Variants in EYS observed in about 807,000 individuals in gnomAD.
The protein encoded by EYS is EGF-like photoreceptor maintenance factor, also known as protein eyes shut homolog.
Under a neutral mutation model 282.1 loss-of-function variants are expected in EYS, and 250 were observed. That is an observed-to-expected ratio of 0.89 (90% CI 0.80 to 0.98). EYS has a LOEUF of 0.98. Among genes scored for constraint, EYS ranks in the 50% least tolerant of loss-of-function variants. EYS has a pLI of 0.00. For synonymous variants in EYS, 1,355 were observed against 1,282.9 expected (o/e 1.06, Z -1.20); for missense variants, 4,016 against 3,709.0 (o/e 1.08, Z -2.15).
chr6:64,094,015 T>C (rs1480791548), intron 31 of EYS, among the ~76,000 whole-genome samples: 2 of 152,204 alleles, frequency 1.3e-5, no homozygotes, highest in African/African-American at 4.8e-5. Context: ...GAGGTAATCA[T>C]GTGGTTTTTG....
rs892795433 is a variant in EYS at position 63,937,442 on chromosome 6, T to G, written c.7055+46941A>C. ...GTTGCCCAGGCTGGAGTGCAGTGGC[T>G]CGATCTCGGCTCACTACAATCTCCG... On this transcript the variant is annotated intron_variant, in intron 35 of 42. Transcript: ENST00000503581. Among the ~76,000 whole-genome samples, 114 of 131,490 alleles carry G rather than the reference T, an allele frequency of 8.7e-4. 1 individual carries two copies. The highest frequency in any genetic ancestry group is 3.1e-3 in the African/African-American group (110 of 35,210). The allele number at this position is 131,490 out of a possible 152,430, so 86.3% of individuals were successfully genotyped here. A position where few individuals can be genotyped will look rare whatever the true frequency, so the allele number is the denominator to read the frequency against.
At chr6:65,659,131 G>A (rs1767923484) in intron 1 of EYS, among the ~76,000 whole-genome samples, 1 of 151,552 alleles carries the variant, frequency 6.6e-6, no homozygotes, top group African/African-American at 2.4e-5. Context: ...GGAAGAACTT[G>A]AAAATGTTCC....
In EYS at chr6:64,590,684, CT is replaced by C. The variant is rs1562079278; in HGVS notation, c.5182del (p.Ser1728ValfsTer21). The C allele has an allele frequency of 1.9e-6, 3 of 1,551,090 alleles. No individual in the cohort carries two copies. The highest frequency in any genetic ancestry group is 1.7e-6 in the Non-Finnish European group (2 of 1,146,680). On this transcript the variant is annotated frameshift_variant, in exon 26 of 43. Transcript: ENST00000503581. LOFTEE classifies it high-confidence loss of function. ...TTTGAACAGTGTATGAGATCCTTTA[CT>C]TTTTTCCATGTCCAATAAGCTCTCT... ...NQESLLDMEK[S>X]KGSHTLFKLH...
chr6:64,847,707 T>A (rs1765758825), intron 19 of EYS, among the ~76,000 whole-genome samples: 1 of 152,064 alleles, frequency 6.6e-6, no homozygotes, highest in Non-Finnish European at 1.5e-5. Flanking sequence ...CTATTTATTT[T>A]CTAAAACAAA....
chr6:64,599,212 T>C (rs1272284751), intron 24 of EYS, among the ~76,000 whole-genome samples: 2 of 152,142 alleles, frequency 1.3e-5, no homozygotes, highest in African/African-American at 4.8e-5. Flanking sequence ...AAAAGCTTAC[T>C]GTAGATAATA....
rs78619591 is a variant in EYS at position 64,930,789 on chromosome 6, G to A, written c.2381+15004C>T. 3.6e-3 allele frequency among the ~76,000 whole-genome samples: 541 copies of A among 152,192 alleles called. 4 individuals carry two copies. The highest frequency in any genetic ancestry group is 0.012 in the South Asian group (57 of 4,826). On this transcript the variant is annotated intron_variant, in intron 15 of 42. Coordinates refer to ENST00000503581, the MANE Select transcript of EYS (RefSeq NM_001142800.2). ...TTTGTAGTGTCCATAAGAAAAGCAG[G>A]CCAAAGCATCAACACAAATGCCAAC...
intron 24 of EYS, among the ~76,000 whole-genome samples, chr6:64,616,973 C>T (rs1229701931): frequency 6.6e-6 from 1 of 152,026 alleles, no homozygotes; most frequent in African/African-American, 2.4e-5. Context: ...TAATGGAGTT[C>T]AGGCCAGTTC....
intron 22 of EYS, among the ~76,000 whole-genome samples, chr6:64,657,140 G>C (rs1394531288): frequency 6.6e-6 from 1 of 152,040 alleles, no homozygotes; most frequent in Non-Finnish European, 1.5e-5. Flanking sequence ...AACTTTGTTG[G>C]TTTAAAGTCT....
chr6:65,522,025 A>G (rs917983308), intron 2 of EYS, among the ~76,000 whole-genome samples: 1 of 152,166 alleles, frequency 6.6e-6, no homozygotes, highest in African/African-American at 2.4e-5. Context: ...GTCTCTTCTT[A>G]CAAAAAATCA....
At chr6:65,613,688 A>T (rs1766082021) in intron 2 of EYS, among the ~76,000 whole-genome samples, 1 of 151,874 alleles carries the variant, frequency 6.6e-6, no homozygotes, top group Non-Finnish European at 1.5e-5. Flanking sequence ...AATGTAAGCC[A>T]TGTGTACAAC....
At chr6:64,261,026 GA>G (rs1767571335) in intron 30 of EYS, among the ~76,000 whole-genome samples, 1 of 151,446 alleles carries the variant, frequency 6.6e-6, no homozygotes, top group African/African-American at 2.4e-5. Context: ...TTTGTGTTCG[GA>G]ATATTCCAAT....
At chr6:65,681,503 G>A (rs1225600393) in intron 1 of EYS, among the ~76,000 whole-genome samples, 5 of 151,918 alleles carry the variant, frequency 3.3e-5, no homozygotes, top group African/African-American at 7.2e-5. Flanking sequence ...TTAACTTTTT[G>A]CTTTACGTTA....
chr6:64,031,005 C>G (rs368615323), intron 33 of EYS, among the ~76,000 whole-genome samples: 1 of 152,228 alleles, frequency 6.6e-6, no homozygotes, highest in Non-Finnish European at 1.5e-5. Flanking sequence ...GAGGTGACGG[C>G]GTGTGCCCTC....
At chr6:64,571,880 T>C (rs1409303161) in intron 26 of EYS, among the ~76,000 whole-genome samples, 1 of 152,150 alleles carries the variant, frequency 6.6e-6, no homozygotes, top group Non-Finnish European at 1.5e-5. Flanking sequence ...CTTCTGAAAC[T>C]ATTGCAAACA....
At position 63,867,901 on chromosome 6, in the gene EYS, A is replaced by G. The variant is rs1207953927; in HGVS notation, c.7056-3543T>C. ...AGACTCTTTTGCATAGCCTACTTTT[A>G]CTTAAACCCATCCCTCTGAGACAAA... On this transcript the variant is annotated intron_variant, in intron 35 of 42. Transcript: ENST00000503581. 2.0e-5 allele frequency among the ~76,000 whole-genome samples: 3 copies of G among 152,186 alleles called. 1 individual carries two copies. The South Asian group carries it at 6.2e-4, about 31-fold the overall frequency.
intron 8 of EYS, among the ~76,000 whole-genome samples, chr6:65,382,323 T>C (rs1240441019): frequency 6.6e-6 from 1 of 151,082 alleles, no homozygotes; most frequent in East Asian, 1.9e-4. Flanking sequence ...TGGTTTGACG[T>C]AGGGGATATG....
intron 30 of EYS, among the ~76,000 whole-genome samples, chr6:64,251,403 T>G (rs1207431315): frequency 3.3e-5 from 5 of 152,126 alleles, no homozygotes. Flanking sequence ...CTAGGGTTGC[T>G]TCTGATGTCT....
chr6:64,074,762 A>C (rs1771707372), intron 32 of EYS, among the ~76,000 whole-genome samples: 1 of 151,948 alleles, frequency 6.6e-6, no homozygotes, highest in Admixed American at 6.6e-5. Flanking sequence ...CTGGATTTCT[A>C]TCATCTACCT....
chr6:65,126,187 T>C (rs1187526791), intron 12 of EYS, among the ~76,000 whole-genome samples: 4 of 152,158 alleles, frequency 2.6e-5, no homozygotes, highest in African/African-American at 9.7e-5. Context: ...TTATTAACTC[T>C]TTCATTTAAA....
Sources: allele counts gnomAD v4.1 joint callset (sites outside exome capture counted in the v4.1 genomes callset), GRCh38; gene constraint gnomAD v4.1.1; transcripts MANE v1.5; gene names NCBI Gene and HGNC (gene_info 2026-07-23, HGNC 2026-07-21).